The following ANGPT1 variants were observed in gnomAD, a reference collection of about 807,000 sequenced individuals.
ANGPT1 encodes the protein angiopoietin-1.
Under a neutral mutation model 62.2 loss-of-function variants are expected in ANGPT1, and 17 were observed. That is an observed-to-expected ratio of 0.27 (90% CI 0.19 to 0.41). The LOEUF is 0.41. ANGPT1 is among the 10% of genes least tolerant of loss of function. The pLI, the probability that ANGPT1 is intolerant of heterozygous loss-of-function variation, is 1.00. For missense variants in ANGPT1, 478 were observed against 594.9 expected, an observed-to-expected ratio of 0.80 and a Z score of 2.04; for synonymous variants, 199 against 198.9, an observed-to-expected ratio of 1.00 and a Z score of 0.00.
chr8:107,416,923 C>CT (rs1052148895), intron 1 of ANGPT1, among the ~76,000 whole-genome samples: 2 of 151,624 alleles, frequency 1.3e-5, no homozygotes, highest in African/African-American at 4.9e-5. Context: ...TCCCCAGTAG[C>CT]TAGGACTATA....
rs780347436 is a variant in ANGPT1, at chr8:107,347,081, A to G, written c.314T>C (p.Val105Ala). ...GGCCATCTCCGACTTCATGTTTTCC[A>G]CAATGTAATTCTCAAGCTGCAAGAG... ...QWLQKLENYI[V>A]ENMKSEMAQI... The change falls in exon 2 of 9, where the codon GTG (valine) becomes GCG (alanine). Residue 105 changes from valine to alanine, a missense_variant. Physicochemically the swap from Val to Ala is moderately conservative, Grantham distance 64 (BLOSUM62 0). This residue lies in a region of ANGPT1 where 343 missense variants were observed against 355.4 expected (regional missense o/e 0.97). Coordinates refer to ENST00000517746, the MANE Select transcript of ANGPT1 (RefSeq NM_001146.5). The G allele has an allele frequency of 4.3e-6, 7 of 1,613,272 alleles. No individual in the cohort carries two copies. In the Admixed American group the frequency reaches 6.7e-5, roughly 15 times the overall value.
intron 1 of ANGPT1, among the ~76,000 whole-genome samples, chr8:107,450,451 G>C (rs1335882063): frequency 6.6e-6 from 1 of 151,892 alleles, no homozygotes; most frequent in Admixed American, 6.6e-5. Context: ...AAAGCTCTAT[G>C]GGCGGAAAGA....
At chr8:107,439,005 G>A (rs1282406240) in intron 1 of ANGPT1, among the ~76,000 whole-genome samples, 3 of 152,124 alleles carry the variant, frequency 2.0e-5, no homozygotes, top group Non-Finnish European at 4.4e-5. Context: ...AGAGTCTCCT[G>A]TAGATTGTGG....
At chr8:107,278,428 A>T (rs1326956627) in intron 7 of ANGPT1, among the ~76,000 whole-genome samples, 1 of 152,172 alleles carries the variant, frequency 6.6e-6, no homozygotes, top group Non-Finnish European at 1.5e-5. Context: ...TTTACCAAAT[A>T]CAAGGTATAT....
chr8:107,354,746 G>C (rs556986235), intron 1 of ANGPT1, among the ~76,000 whole-genome samples: 1 of 152,190 alleles, frequency 6.6e-6, no homozygotes, highest in African/African-American at 2.4e-5. Flanking sequence ...GCACCATTCT[G>C]TCCCAAATAT....
chr8:107,318,450 A>G (rs1474752597), intron 4 of ANGPT1, among the ~76,000 whole-genome samples: 6 of 152,166 alleles, frequency 3.9e-5, no homozygotes, highest in African/African-American at 2.4e-5. Flanking sequence ...AATGTTTGGG[A>G]AAAAAAGTAC....
At chr8:107,489,578 A>G (rs921890330) in intron 1 of ANGPT1, among the ~76,000 whole-genome samples, 2 of 152,184 alleles carry the variant, frequency 1.3e-5, no homozygotes, top group African/African-American at 2.4e-5. Context: ...GACAACTAAG[A>G]CCAAATGAAT....
intron 1 of ANGPT1, among the ~76,000 whole-genome samples, chr8:107,479,880 T>G (rs1383228359): frequency 6.6e-6 from 1 of 152,156 alleles, no homozygotes; most frequent in Non-Finnish European, 1.5e-5. Context: ...TAACAACAAT[T>G]TTACTCAAAG....
At chr8:107,352,929 A>G (rs1815963699) in intron 1 of ANGPT1, among the ~76,000 whole-genome samples, 3 of 152,192 alleles carry the variant, frequency 2.0e-5, no homozygotes, top group African/African-American at 7.2e-5. Flanking sequence ...CAATGGCAAT[A>G]TTTAAAATGC....
intron 1 of ANGPT1, among the ~76,000 whole-genome samples, chr8:107,352,723 G>A (rs1281266082): frequency 2.6e-5 from 4 of 151,986 alleles, no homozygotes; most frequent in African/African-American, 9.7e-5. Flanking sequence ...ATTGACAAAG[G>A]CATTGTTCAC....
chr8:107,382,671 G>A (rs960839163), intron 1 of ANGPT1, among the ~76,000 whole-genome samples: 1 of 152,106 alleles, frequency 6.6e-6, no homozygotes, highest in South Asian at 2.1e-4. Context: ...ATTGGCTCTT[G>A]TAAGCCTATG....
chr8:107,286,089 T>C (rs908612194), intron 6 of ANGPT1, among the ~76,000 whole-genome samples: 2 of 152,054 alleles, frequency 1.3e-5, no homozygotes, highest in Non-Finnish European at 2.9e-5. Context: ...ACAATTCTTG[T>C]TGTAGACAGT....
intron 1 of ANGPT1, among the ~76,000 whole-genome samples, chr8:107,429,018 C>T (rs555823017): frequency 2.0e-5 from 3 of 152,100 alleles, no homozygotes; most frequent in Non-Finnish European, 4.4e-5. Context: ...TCATATGCAT[C>T]GGGCCATGTT....
At chr8:107,482,587 A>G (rs1812717878) in intron 1 of ANGPT1, among the ~76,000 whole-genome samples, 1 of 152,174 alleles carries the variant, frequency 6.6e-6, no homozygotes, top group African/African-American at 2.4e-5. Flanking sequence ...AGCCAGATTC[A>G]AGGGGAGGGG....
intron 3 of ANGPT1, among the ~76,000 whole-genome samples, chr8:107,333,038 T>C (rs1186278074): frequency 6.6e-6 from 1 of 152,176 alleles, no homozygotes; most frequent in Non-Finnish European, 1.5e-5. Context: ...GCAATATAAA[T>C]TGCCTGGCAG....
chr8:107,273,826 T>C (rs1813796545), intron 7 of ANGPT1, among the ~76,000 whole-genome samples: 1 of 151,844 alleles, frequency 6.6e-6, no homozygotes, highest in Admixed American at 6.6e-5. Context: ...CCAAGGGTTC[T>C]TTCCCAGGGA....
At chr8:107,312,254 T>C (rs1814890444) in intron 4 of ANGPT1, among the ~76,000 whole-genome samples, 1 of 152,220 alleles carries the variant, frequency 6.6e-6, no homozygotes, top group Non-Finnish European at 1.5e-5. Flanking sequence ...GGAGCTCATT[T>C]TATTCACAAA....
intron 1 of ANGPT1, among the ~76,000 whole-genome samples, chr8:107,435,046 G>A (rs187506370): frequency 1.1e-4 from 17 of 152,024 alleles, no homozygotes; most frequent in South Asian, 6.2e-4. Flanking sequence ...AATATACACC[G>A]TTTCCCTCAT....
intron 1 of ANGPT1, among the ~76,000 whole-genome samples, chr8:107,408,494 A>G (rs1817195192): frequency 8.2e-6 from 1 of 122,500 alleles, no homozygotes; most frequent in Admixed American, 9.2e-5. Context: ...TGCTGAAAGT[A>G]GAAAAACAAA....
Sources: gnomAD v4.1 joint callset for allele counts (sites outside exome capture counted in the v4.1 genomes callset) on GRCh38, gnomAD v4.1.1 for gene constraint, gnomAD v4.1.1 regional missense constraint, MANE v1.5 for transcripts, NCBI Gene and HGNC (gene_info 2026-07-23, HGNC 2026-07-21) for gene names.